Variants in DENND4C observed in about 807,000 individuals in gnomAD.
DENND4C encodes the protein DENN domain containing 4C, also known as DENN domain-containing protein 4C.
Under a neutral mutation model 203.0 loss-of-function variants are expected in DENND4C, and 108 were observed. That is an observed-to-expected ratio of 0.53 (90% confidence interval 0.46 to 0.62). DENND4C has a LOEUF of 0.62. Among genes scored for constraint, DENND4C ranks in the 20% least tolerant of loss-of-function variants. The pLI is 0.00. For missense variants in DENND4C, 2,481 were observed against 2,301.2 expected (o/e 1.08, Z -1.60); for synonymous variants, 871 against 792.4 (o/e 1.10, Z -1.67).
At chr9:19,321,831 CAAA>C (rs35648828) in intron 12 of DENND4C, among the ~76,000 whole-genome samples, 16 of 86,866 alleles carry the variant, frequency 1.8e-4, no homozygotes, top group South Asian at 1.3e-3. Flanking sequence ...GACTCCATCT[CAAA>C]AAAAAAAAAA....
At chr9:19,353,793 C>T (rs1824731938) in intron 26 of DENND4C, among the ~76,000 whole-genome samples, 2 of 151,994 alleles carry the variant, frequency 1.3e-5, no homozygotes, top group Non-Finnish European at 2.9e-5. Flanking sequence ...AAAGGTTAGC[C>T]CGACACCATG....
rs150279487 is a variant in DENND4C, at chr9:19,285,356, G to A, written c.306-1413G>A. On this transcript the variant is annotated intron_variant, in intron 2 of 32. Coordinates refer to ENST00000434457, the MANE Select transcript of DENND4C (RefSeq NM_001330640.2). Reference sequence around the variant, plus strand: ...CTTACTTAAAGTGTACAATTCAATGGTTTTTAGTATTGTTTACAGTGTTGT... The same window carrying A: ...CTTACTTAAAGTGTACAATTCAATGATTTTTAGTATTGTTTACAGTGTTGT... Among the ~76,000 whole-genome samples the A allele has an allele frequency of 2.5e-3, 386 of 152,146 alleles. 2 individuals are homozygous for A. Among genetic ancestry groups the A allele is most frequent in the African/African-American group, 8.9e-3 (370 of 41,516 alleles).
In DENND4C at chr9:19,369,777, A is replaced by AAT. The variant is rs777772210; in HGVS notation, c.5525-59_5525-58insTA. ...GTGAGATGTTGTCTCAAAAAAAAAA[A>AAT]AATAATAATAATAATAATAGTAATA... is the stretch of plus-strand genomic sequence containing the variant. On this transcript the variant is annotated intron_variant, in intron 30 of 32. Coordinates refer to ENST00000434457, the MANE Select transcript of DENND4C (RefSeq NM_001330640.2). 2.1e-3 allele frequency: 1,981 copies of AAT among 937,216 alleles called. 26 individuals are homozygous for AAT. The African/African-American group carries it at 0.029, about 14-fold the overall frequency. 58.1% of individuals were successfully genotyped at this position (937,216 alleles called of 1,614,324 possible).
chr9:19,364,749 G>A (rs185311914), intron 30 of DENND4C, among the ~76,000 whole-genome samples: 1 of 152,188 alleles, frequency 6.6e-6, no homozygotes, highest in Non-Finnish European at 1.5e-5. Flanking sequence ...AAAAAAATTT[G>A]CCAGGTGTGG....
chr9:19,239,980 T>G (rs1056782100), intron 1 of DENND4C, among the ~76,000 whole-genome samples: 2 of 152,228 alleles, frequency 1.3e-5, no homozygotes, highest in African/African-American at 4.8e-5. Flanking sequence ...ATTTTCTGTT[T>G]ACTTGTTCTG....
At position 19,352,658 on chromosome 9, in the gene DENND4C, TC is replaced by T; in HGVS notation, c.4775del (p.Ser1592LeufsTer6). 1 of 1,596,584 alleles carries T rather than the reference TC, an allele frequency of 6.3e-7. No individual in the cohort carries two copies. The highest frequency in any genetic ancestry group is 8.5e-7 in the Non-Finnish European group (1 of 1,170,078). ...TATAGAATTCAAAGATTTGAGAGGT[TC>T]TGCAAGGTTAGTCTTATAAAAGCTC... is the stretch of plus-strand genomic sequence containing the variant. ...LNIEFKDLRG[S>X]ASFFLKPSTS... On this transcript the variant is annotated frameshift_variant, in exon 26 of 33. Coordinates refer to ENST00000434457, the MANE Select transcript of DENND4C (RefSeq NM_001330640.2). LOFTEE classifies it high-confidence loss of function.
At chr9:19,347,692 A>G (rs1823212802) in intron 23 of DENND4C, among the ~76,000 whole-genome samples, 1 of 152,256 alleles carries the variant, frequency 6.6e-6, no homozygotes, top group Non-Finnish European at 1.5e-5. Context: ...GGACCATTTT[A>G]TAATTCCATA....
chr9:19,254,451 C>T (rs1576385), intron 1 of DENND4C, among the ~76,000 whole-genome samples: 30,535 of 152,062 alleles, frequency 0.2, 3,164 homozygotes, highest in Admixed American at 0.22. Context: ...ATGGATGAAA[C>T]TGGGAGATAT....
chr9:19,356,725 G>A (rs546929268), intron 26 of DENND4C, among the ~76,000 whole-genome samples: 4 of 150,168 alleles, frequency 2.7e-5, no homozygotes, highest in African/African-American at 9.8e-5. Context: ...TTCCAACCTT[G>A]TATTTGAAAA....
intron 27 of DENND4C, 200 bp downstream of exon 27, chr9:19,357,354 T>G: frequency 3.9e-6 from 2 of 510,322 alleles, no homozygotes; most frequent in Non-Finnish European, 6.8e-6. Context: ...TTTAATATTT[T>G]ACAGTTGTCT....
chr9:19,333,741 C>A (rs1563813445), intron 17 of DENND4C, among the ~76,000 whole-genome samples: 1 of 152,184 alleles, frequency 6.6e-6, no homozygotes, highest in African/African-American at 2.4e-5. Flanking sequence ...TATTATCCAG[C>A]TAATGGCTGA....
chr9:19,316,342 G>A lies in DENND4C; in HGVS notation c.1488-75G>A, dbSNP rs535546260. On this transcript the variant is annotated intron_variant, in intron 10 of 32. Transcript: ENST00000434457. ...CATCTTTTCCATTTTCTTGTTTTAG[G>A]TTGATGCAAGAATTTTGTCTAGTAA... The A allele has an allele frequency of 1.5e-4, 178 of 1,167,102 alleles. No homozygotes were observed. The South Asian group carries it at 2.4e-3, about 16-fold the overall frequency. The allele number at this position is 1,167,102 out of a possible 1,614,324, so 72.3% of individuals were successfully genotyped here.
In DENND4C at chr9:19,374,125, T is replaced by C. The variant is rs1829288779; in HGVS notation, c.*1952T>C. ...ATTGAGGTTGAATAAAATGAAAAAT[T>C]GTTGTTTTCTGTTACATTAAGCCTC... On this transcript the variant is annotated 3_prime_UTR_variant, in exon 33 of 33. Coordinates refer to ENST00000434457, the MANE Select transcript of DENND4C (RefSeq NM_001330640.2). Among the ~76,000 whole-genome samples the C allele has an allele frequency of 6.6e-6, 1 of 151,964 alleles. No homozygotes were observed. Among genetic ancestry groups the C allele is most frequent in the Admixed American group, 6.5e-5 (1 of 15,272 alleles).
intron 1 of DENND4C, among the ~76,000 whole-genome samples, chr9:19,249,407 C>G (rs1382387706): frequency 6.6e-6 from 1 of 151,748 alleles, no homozygotes; most frequent in Non-Finnish European, 1.5e-5. Flanking sequence ...TGCCTGCCAC[C>G]ATGCCCGGCT....
intron 30 of DENND4C, among the ~76,000 whole-genome samples, chr9:19,362,266 T>G (rs2132233157): frequency 6.6e-6 from 1 of 152,166 alleles, no homozygotes; most frequent in Non-Finnish European, 1.5e-5. Flanking sequence ...AGAGCAAGAT[T>G]GTATCTCAAA....
chr9:19,297,155 T>A (rs191896973), intron 6 of DENND4C, among the ~76,000 whole-genome samples: 1 of 152,230 alleles, frequency 6.6e-6, no homozygotes, highest in Non-Finnish European at 1.5e-5. Flanking sequence ...AGAGCTGTAA[T>A]GTATTAAAGT....
intron 3 of DENND4C, 54 bp downstream of exon 3, chr9:19,287,075 G>C: frequency 4.9e-6 from 6 of 1,224,112 alleles, no homozygotes; most frequent in Non-Finnish European, 6.1e-6. Flanking sequence ...AAAGGGATAC[G>C]TTTTGGATTC....
intron 1 of DENND4C, among the ~76,000 whole-genome samples, chr9:19,235,821 A>G (rs1269167144): frequency 2.0e-5 from 3 of 151,984 alleles, no homozygotes; most frequent in South Asian, 4.2e-4. Flanking sequence ...CGTGGTCTCG[A>G]TCTTTTGACC....
intron 1 of DENND4C, among the ~76,000 whole-genome samples, chr9:19,235,182 CT>C (rs1158099673): frequency 6.6e-6 from 1 of 151,932 alleles, no homozygotes; most frequent in Non-Finnish European, 1.5e-5. Context: ...CCAGGCTGGT[CT>C]TGAACTCCTG....
Sources: gnomAD v4.1 joint callset for allele counts (sites outside exome capture counted in the v4.1 genomes callset) on GRCh38, gnomAD v4.1.1 for gene constraint, MANE v1.5 for transcripts, NCBI Gene and HGNC (gene_info 2026-07-23, HGNC 2026-07-21) for gene names.